Variants in FRMPD1 observed in about 807,000 individuals in gnomAD.
FRMPD1 encodes FERM and PDZ domain containing 1.
Under a neutral mutation model 117.8 loss-of-function variants are expected in FRMPD1, and 76 were observed. That is an observed-to-expected ratio of 0.65 (90% CI 0.54 to 0.78). FRMPD1 has a LOEUF of 0.78. FRMPD1 is among the 30% of genes least tolerant of loss of function. FRMPD1 has a pLI of 0.00. For synonymous variants in FRMPD1, 783 were observed against 770.4 expected, an observed-to-expected ratio of 1.02 and a Z score of -0.27; for missense variants, 1,786 against 1,964.5, an observed-to-expected ratio of 0.91 and a Z score of 1.72.
At chr9:37,724,377 C>T (rs940290593) in intron 7 of FRMPD1, 57 bp downstream of exon 7, 5 of 912,276 alleles carry the variant, frequency 5.5e-6, no homozygotes, top group African/African-American at 1.6e-5. Flanking sequence ...GCTGCTAGGA[C>T]CCCCCAGGCA....
chr9:37,650,963 C>G lies in FRMPD1; in HGVS notation c.-136C>G, dbSNP rs1271183229. On this transcript the variant is annotated 5_prime_UTR_variant, in exon 1 of 16. Transcript: ENST00000377765. Reference sequence around the variant, plus strand: ...GCAGCCTCGGCGCGGGAGGCGGAGCCCGAGCCGAGCCCGAGCAGCGCTGCT... The same window carrying G: ...GCAGCCTCGGCGCGGGAGGCGGAGCGCGAGCCGAGCCCGAGCAGCGCTGCT... 6.6e-6 allele frequency: 1 copy of G among 151,270 alleles called. No homozygotes were observed. Among genetic ancestry groups the G allele is most frequent in the Non-Finnish European group, 1.5e-5 (1 of 67,700 alleles). 9.4% of individuals were successfully genotyped at this position (151,270 alleles called of 1,614,324 possible). A position where few individuals can be genotyped will look rare whatever the true frequency, so the allele number is the denominator to read the frequency against.
chr9:37,732,266 G>A (rs1295544246), intron 9 of FRMPD1, 38 bp from the exon 10 acceptor site: 1 of 1,608,508 alleles, frequency 6.2e-7, no homozygotes, highest in Admixed American at 1.7e-5. Flanking sequence ...CAGTATGTCT[G>A]CTTTTGTTTC....
In FRMPD1 at chr9:37,719,191, A is replaced by C; in HGVS notation, c.516+15A>C. ...GACACAGCCAGGTGTGTCACTAGTC[A>C]AGGGATTGAAATTATGAAGCTGGCG... On this transcript the variant is annotated intron_variant, in intron 6 of 15. Transcript: ENST00000377765. 6.7e-7 allele frequency: 1 copy of C among 1,494,468 alleles called. No individual in the cohort carries two copies. Among genetic ancestry groups the C allele is most frequent in the South Asian group, 1.1e-5 (1 of 88,786 alleles). The allele number at this position is 1,494,468 out of a possible 1,614,324, so 92.6% of individuals were successfully genotyped here.
chr9:37,719,005 A>C, intron 5 of FRMPD1, 64 bp from the exon 6 acceptor site: 1 of 925,450 alleles, frequency 1.1e-6, no homozygotes, highest in South Asian at 1.3e-5. Flanking sequence ...AGAAATGAGA[A>C]GATAGATATA....
At chr9:37,666,767 G>A (rs1452058323) in intron 1 of FRMPD1, among the ~76,000 whole-genome samples, 2 of 152,154 alleles carry the variant, frequency 1.3e-5, no homozygotes, top group African/African-American at 4.8e-5. Context: ...CTTCTTGACT[G>A]AAGAGATGTG....
intron 1 of FRMPD1, among the ~76,000 whole-genome samples, chr9:37,678,680 A>G (rs1379150336): frequency 6.6e-6 from 1 of 152,156 alleles, no homozygotes; most frequent in African/African-American, 2.4e-5. Context: ...TTTGCTCCTA[A>G]TGACTCCCAA....
At chr9:37,640,911 C>T in the FRMPD1 span, among the ~76,000 whole-genome samples, 1 of 152,152 alleles carries the variant, frequency 6.6e-6, no homozygotes, top group African/African-American at 2.4e-5. Flanking sequence ...GACAGGGTCT[C>T]GCTCTATTAC....
In FRMPD1 at chr9:37,733,545, A is replaced by G. The variant is rs771204432; in HGVS notation, c.1068A>G (p.Lys356=). ...LRNMKGKDIK[K]AISFHMKRNQ... ...ACATGAAAGGCAAAGACATCAAGAA[A>G]GCCATTAGCTTCCACATGAAGAGGA... The change falls in exon 11 of 16, where the codon AAA becomes AAG. Residue 356 remains lysine (K), a synonymous_variant. Coordinates refer to ENST00000377765, the MANE Select transcript of FRMPD1 (RefSeq NM_014907.3). The G allele has an allele frequency of 4.3e-6, 7 of 1,613,960 alleles. No homozygotes were observed. The highest frequency in any genetic ancestry group is 5.1e-6 in the Non-Finnish European group (6 of 1,179,824).
intron 5 of FRMPD1, among the ~76,000 whole-genome samples, chr9:37,712,744 C>T (rs949496001): frequency 3.9e-5 from 6 of 152,014 alleles, no homozygotes; most frequent in Admixed American, 6.6e-5. Flanking sequence ...TCATTTAATA[C>T]AGAAGTAAAT....
rs957225972 is a variant in FRMPD1 at position 37,662,778 on chromosome 9, G to GA, written c.-5+11694dup. On this transcript the variant is annotated intron_variant, in intron 1 of 15. Coordinates refer to ENST00000377765, the MANE Select transcript of FRMPD1 (RefSeq NM_014907.3). ...TCTTATTCTCCTGCCTTCTTGGAAA[G>GA]AAAAAAAAAATATCCAAGTCTTCAG... Among the ~76,000 whole-genome samples, 40 of 149,200 alleles carry GA rather than the reference G, an allele frequency of 2.7e-4. 1 individual carries two copies. The highest frequency in any genetic ancestry group is 8.8e-4 in the African/African-American group (36 of 40,828).
At chr9:37,609,017 A>G in the FRMPD1 span, among the ~76,000 whole-genome samples, 23 of 152,302 alleles carry the variant, frequency 1.5e-4, no homozygotes, top group Non-Finnish European at 1.3e-4. Flanking sequence ...CAGGCCGGGC[A>G]TGGTGGCTCA....
At chr9:37,729,462 G>A (rs1188201775) in intron 7 of FRMPD1, among the ~76,000 whole-genome samples, 1 of 150,932 alleles carries the variant, frequency 6.6e-6, no homozygotes, top group African/African-American at 2.4e-5. Flanking sequence ...ATAGGAGAGA[G>A]GCAGAAACCT....
chr9:37,634,498 T>C, the FRMPD1 span, among the ~76,000 whole-genome samples: 1 of 152,220 alleles, frequency 6.6e-6, no homozygotes, highest in Non-Finnish European at 1.5e-5. Flanking sequence ...AGTGGTTCTT[T>C]TCTCCCATGC....
the FRMPD1 span, among the ~76,000 whole-genome samples, chr9:37,636,298 C>T: frequency 1.3e-5 from 2 of 152,152 alleles, no homozygotes; most frequent in African/African-American, 2.4e-5. Context: ...CCGGGGAGAC[C>T]CTCAGCTCTT....
In FRMPD1 at chr9:37,744,395, G is replaced by A; in HGVS notation, c.2363G>A (p.Arg788Lys). ...LTPPGPPSGP[R>K]DVSTAEPSAT... ...TTTCTTTCCTGACTCCCAGGGCCCA[G>A]AGATGTTTCTACTGCAGAACCCAGT... The change falls in exon 16 of 16, where the codon AGA becomes AAA. Residue 788 changes from arginine (R) to lysine (K), a missense_variant. By Grantham distance (26) the Arg-to-Lys change is conservative. Coordinates refer to ENST00000377765, the MANE Select transcript of FRMPD1 (RefSeq NM_014907.3). 6.3e-7 allele frequency: 1 copy of A among 1,588,372 alleles called. No individual in the cohort carries two copies. The highest frequency in any genetic ancestry group is 1.4e-5 in the African/African-American group (1 of 73,696).
At chr9:37,629,467 T>G in the FRMPD1 span, among the ~76,000 whole-genome samples, 1 of 152,174 alleles carries the variant, frequency 6.6e-6, no homozygotes, top group Non-Finnish European at 1.5e-5. Context: ...TGGACTGAGT[T>G]GCAGCCCCCA....
chr9:37,624,150 G>C, the FRMPD1 span, among the ~76,000 whole-genome samples: 1 of 152,188 alleles, frequency 6.6e-6, no homozygotes, highest in South Asian at 2.1e-4. Flanking sequence ...TTTCTAGTGA[G>C]AGCTGGAGCC....
chr9:37,613,864 C>T, the FRMPD1 span, among the ~76,000 whole-genome samples: 6 of 152,248 alleles, frequency 3.9e-5, no homozygotes, highest in Non-Finnish European at 8.8e-5. Flanking sequence ...TGTCTGTCAT[C>T]TCTCACTAGA....
the FRMPD1 span, among the ~76,000 whole-genome samples, chr9:37,609,233 G>C: frequency 7.8e-4 from 119 of 151,984 alleles, no homozygotes; most frequent in African/African-American, 2.1e-3. Flanking sequence ...CGGAGTTTGC[G>C]GTGAACCCAG....
Sources: allele counts gnomAD v4.1 joint callset (sites outside exome capture counted in the v4.1 genomes callset), GRCh38; gene constraint gnomAD v4.1.1; transcripts MANE v1.5; gene names NCBI Gene and HGNC (gene_info 2026-07-23, HGNC 2026-07-21).